Variants in BCL9 observed in about 807,000 individuals in gnomAD.
BCL9 encodes the protein B-cell CLL/lymphoma 9 protein.
A neutral mutation model predicts 88.5 loss-of-function variants in BCL9; 25 were observed. The observed-to-expected ratio is 0.28, with a 90% CI of 0.21 to 0.39. The LOEUF is 0.39. Among genes scored for constraint, BCL9 ranks in the 10% least tolerant of loss-of-function variants. The pLI, the probability that BCL9 is intolerant of heterozygous loss-of-function variation, is 1.00. For synonymous variants in BCL9, 711 were observed against 673.3 expected (o/e 1.06, Z -0.87); for missense variants, 1,817 against 1,877.8 (o/e 0.97, Z 0.60).
rs143316991 is a variant in BCL9 at position 147,592,626 on chromosome 1, G to A, written c.-477-12151G>A. On this transcript the variant is annotated intron_variant, in intron 1 of 9. Transcript: ENST00000234739. Reference sequence around the variant, plus strand: ...AAAAGAGTGTGTCAGGAGAGTTGAAGAGATATCAGTAAGTGATGTTGGGTG... The same window carrying A: ...AAAAGAGTGTGTCAGGAGAGTTGAAAAGATATCAGTAAGTGATGTTGGGTG... Among the ~76,000 whole-genome samples, 243 of 152,052 alleles carry A rather than the reference G, an allele frequency of 1.6e-3. 1 individual carries two copies. Among genetic ancestry groups the A allele is most frequent in the African/African-American group, 5.7e-3 (235 of 41,432 alleles).
In BCL9 at chr1:147,619,132, C is replaced by T. The variant is rs782653142; in HGVS notation, c.977C>T (p.Ala326Val). ...TCCCAGGGGAGCAATAGCTCTTCAG[C>T]AGATCCCAAAGCCCCTCCGCCTCCA... is the stretch of plus-strand genomic sequence containing the variant. ...PVSQGSNSSSADPKAPPPPPV... is the reference protein window; with the variant it reads ...PVSQGSNSSSVDPKAPPPPPV... Residue 326 changes from alanine to valine, a missense_variant, in exon 8 of 10, where the codon GCA becomes GTA. By Grantham distance (64) the Ala-to-Val change is moderately conservative (BLOSUM62 0). Around this residue, in one of 2 missense-constraint regions of BCL9, gnomAD observed 1,228 missense variants for 1,191.6 expected, o/e 1.03. Coordinates refer to ENST00000234739, the MANE Select transcript of BCL9 (RefSeq NM_004326.4). This position sits in a 1 kb window ranked among gnomAD's most constrained non-coding sequence, Gnocchi z 4.1. 9 of 1,613,560 alleles carry T rather than the reference C, an allele frequency of 5.6e-6. No homozygotes were observed. In the Admixed American group the frequency reaches 1.3e-4, roughly 24 times the overall value.
chr1:147,580,662 C>T (rs1656325280), intron 1 of BCL9, among the ~76,000 whole-genome samples: 1 of 152,162 alleles, frequency 6.6e-6, no homozygotes, highest in African/African-American at 2.4e-5. Flanking sequence ...TTAAAGCTCT[C>T]TGGGAAATGA....
At chr1:147,555,848 C>G (rs1553195379) in intron 1 of BCL9, among the ~76,000 whole-genome samples, 2 of 152,188 alleles carry the variant, frequency 1.3e-5, no homozygotes, top group Non-Finnish European at 2.9e-5. Context: ...TTTTTAAAGC[C>G]TTTTCTAAAC....
chr1:147,574,802 G>C (rs1467475566), intron 1 of BCL9, among the ~76,000 whole-genome samples: 2 of 152,142 alleles, frequency 1.3e-5, no homozygotes, highest in Non-Finnish European at 2.9e-5. Context: ...TTTTAGATCT[G>C]ACTCACATAA....
At position 147,623,868 on chromosome 1, in the gene BCL9, C is replaced by T. The variant is rs373321043; in HGVS notation, c.3190C>T (p.Arg1064Ter). ...AATGGGCATTAATACACAGAATCCT[C>T]GAATTTCAGGTCCAAACCCCGTGGT... ...PGMGINTQNPRISGPNPVVPM... is the reference protein window; with the variant it reads ...PGMGINTQNP The change falls in exon 10 of 10, where the codon CGA (arginine) becomes TGA (stop). Residue 1064 changes from arginine (R) to a stop codon, truncating the protein, a stop_gained. Coordinates refer to ENST00000234739, the MANE Select transcript of BCL9 (RefSeq NM_004326.4). LOFTEE classifies it high-confidence loss of function. 117 of 1,613,652 alleles carry T rather than the reference C, an allele frequency of 7.3e-5. No homozygotes were observed. The highest frequency in any genetic ancestry group is 9.2e-5 in the Non-Finnish European group (108 of 1,179,738).
chr1:147,590,706 T>G (rs1214120507), intron 1 of BCL9, among the ~76,000 whole-genome samples: 1 of 152,252 alleles, frequency 6.6e-6, no homozygotes, highest in Admixed American at 6.5e-5. Context: ...TTTCCTCATA[T>G]GCAAATTAAG....
chr1:147,552,600 C>T (rs1312670171), intron 1 of BCL9, among the ~76,000 whole-genome samples: 2 of 152,194 alleles, frequency 1.3e-5, no homozygotes, highest in Non-Finnish European at 2.9e-5. Flanking sequence ...GAGTGAAACT[C>T]TGTCTCAAAA....
Position 147,619,146 on chromosome 1 carries a change from C to A in BCL9, c.991C>A (p.Pro331Thr). 6.2e-7 allele frequency: 1 copy of A among 1,613,416 alleles called. No individual in the cohort carries two copies. Among genetic ancestry groups the A allele is most frequent in the Non-Finnish European group, 8.5e-7 (1 of 1,179,638 alleles). Residue 331 changes from proline (P) to threonine (T), a missense_variant, in exon 8 of 10, where the codon CCT becomes ACT. Physicochemically the swap from Pro to Thr is conservative, Grantham distance 38. Around this residue, in one of 2 missense-constraint regions of BCL9, gnomAD observed 1,228 missense variants for 1,191.6 expected, o/e 1.03. Coordinates refer to ENST00000234739, the MANE Select transcript of BCL9 (RefSeq NM_004326.4). This position sits in a 1 kb window ranked among gnomAD's most constrained non-coding sequence, Gnocchi z 4.1. Reference sequence around the variant, plus strand: ...TAGCTCTTCAGCAGATCCCAAAGCCCCTCCGCCTCCACCAGTGTCCAGTGG... The same window carrying A: ...TAGCTCTTCAGCAGATCCCAAAGCCACTCCGCCTCCACCAGTGTCCAGTGG... ...SNSSSADPKAPPPPPVSSGEP... is the reference protein window; with the variant it reads ...SNSSSADPKATPPPPVSSGEP...
At chr1:147,612,535 C>T (rs1658062830) in intron 4 of BCL9, among the ~76,000 whole-genome samples, 1 of 152,174 alleles carries the variant, frequency 6.6e-6, no homozygotes, top group Admixed American at 6.5e-5. Context: ...GTATTTTGAT[C>T]TTAACGATGC....
At chr1:147,609,916 T>C in intron 3 of BCL9, among the ~76,000 whole-genome samples, 1 of 152,244 alleles carries the variant, frequency 6.6e-6, no homozygotes, top group East Asian at 1.9e-4. Flanking sequence ...CACCTAGTAT[T>C]ATTCAGTACG....
At chr1:147,606,142 T>C (rs782648028) in intron 2 of BCL9, among the ~76,000 whole-genome samples, 5 of 152,204 alleles carry the variant, frequency 3.3e-5, no homozygotes, top group Non-Finnish European at 5.9e-5. Context: ...TTACAAGGAC[T>C]AATGGTGGAA....
intron 1 of BCL9, among the ~76,000 whole-genome samples, chr1:147,551,101 G>A (rs1654880779): frequency 1.3e-5 from 2 of 152,128 alleles, no homozygotes; most frequent in South Asian, 4.1e-4. Context: ...AATAATAATT[G>A]AGTATTTGCT....
intron 1 of BCL9, among the ~76,000 whole-genome samples, chr1:147,559,097 T>C (rs782171517): frequency 2.9e-4 from 44 of 151,002 alleles, no homozygotes; most frequent in Non-Finnish European, 5.9e-4. Flanking sequence ...TTAGAATTGA[T>C]ATTTTGAAGG....
At chr1:147,547,492 G>T (rs1654660213) in intron 1 of BCL9, among the ~76,000 whole-genome samples, 1 of 152,102 alleles carries the variant, frequency 6.6e-6, no homozygotes. Flanking sequence ...CCAGTTCAAG[G>T]TTGCTTTGAC....
chr1:147,615,164 G>T (rs1658212113), intron 6 of BCL9, among the ~76,000 whole-genome samples: 1 of 152,052 alleles, frequency 6.6e-6, no homozygotes, highest in African/African-American at 2.4e-5. Context: ...TTAAACAGAA[G>T]AAGTTGATTG....
chr1:147,554,983 C>T (rs922695890), intron 1 of BCL9, among the ~76,000 whole-genome samples: 17 of 152,144 alleles, frequency 1.1e-4, no homozygotes, highest in Non-Finnish European at 1.5e-4. Context: ...AAGTATAAAA[C>T]ATTTTCTTCA....
intron 1 of BCL9, among the ~76,000 whole-genome samples, chr1:147,554,207 T>C (rs1655007516): frequency 6.6e-6 from 1 of 152,240 alleles, no homozygotes; most frequent in South Asian, 2.1e-4. Context: ...ACACTGATGT[T>C]ACGATTCACC....
intron 1 of BCL9, among the ~76,000 whole-genome samples, chr1:147,551,365 ACTT>A (rs1418559279): frequency 2.6e-5 from 4 of 152,304 alleles, no homozygotes; most frequent in Non-Finnish European, 4.4e-5. Context: ...TAAGGGCAGT[ACTT>A]CTTCAGTGCA....
intron 3 of BCL9, among the ~76,000 whole-genome samples, chr1:147,608,375 T>A (rs1657836306): frequency 7.8e-6 from 1 of 128,324 alleles, no homozygotes; most frequent in African/African-American, 3.0e-5. Flanking sequence ...CTACAGCCTG[T>A]CTGAATGCTG....
Sources: allele counts gnomAD v4.1 joint callset (sites outside exome capture counted in the v4.1 genomes callset), GRCh38; gene constraint gnomAD v4.1.1; regional missense constraint gnomAD v4.1.1; non-coding constraint Gnocchi (gnomAD v3.1); transcripts MANE v1.5; gene names NCBI Gene and HGNC (gene_info 2026-07-23, HGNC 2026-07-21).